The following PDE1A variants were observed in gnomAD, a reference collection of about 807,000 sequenced individuals.
The protein encoded by PDE1A is dual specificity calcium/calmodulin-dependent 3',5'-cyclic nucleotide phosphodiesterase 1A.
PDE1A carries 35 observed loss-of-function variants against 61.7 expected under a neutral mutation model. That is an observed-to-expected ratio of 0.57 (90% CI 0.43 to 0.75). The LOEUF is 0.75. PDE1A is among the 30% of genes least tolerant of loss of function. The pLI is 0.00. For synonymous variants in PDE1A, 232 were observed against 213.2 expected, an observed-to-expected ratio of 1.09 and a Z score of -0.77; for missense variants, 597 against 630.6, an observed-to-expected ratio of 0.95 and a Z score of 0.57.
chr2:182,580,708 G>C, the PDE1A span, among the ~76,000 whole-genome samples: 9 of 152,106 alleles, frequency 5.9e-5, no homozygotes, highest in African/African-American at 1.4e-4. Context: ...AATAACGTAG[G>C]TTTTTAATTT....
chr2:182,534,813 CT>C, the PDE1A span, among the ~76,000 whole-genome samples: 22 of 151,680 alleles, frequency 1.5e-4, no homozygotes, highest in African/African-American at 5.3e-4. Context: ...GAATTCGTCT[CT>C]TTGTTTCTGC....
At chr2:182,468,824 G>A (rs1229677302) in intron 2 of PDE1A, among the ~76,000 whole-genome samples, 1 of 151,996 alleles carries the variant, frequency 6.6e-6, no homozygotes, top group Non-Finnish European at 1.5e-5. Flanking sequence ...GAGCAGGCAT[G>A]AAAACAGCAT....
At chr2:182,623,863 C>T in the PDE1A span, among the ~76,000 whole-genome samples, 3 of 152,230 alleles carry the variant, frequency 2.0e-5, no homozygotes, top group Admixed American at 6.5e-5. Flanking sequence ...CGGTGGCTCA[C>T]GCCTGTAACC....
At chr2:182,201,665 A>G (rs750710583) in intron 9 of PDE1A, 23 bp downstream of exon 9, 1 of 1,486,454 alleles carries the variant, frequency 6.7e-7, no homozygotes, top group African/African-American at 1.5e-5. Flanking sequence ...AAAAAAAAAC[A>G]ACAAAAAAAA....
chr2:182,679,005 CTT>C, the PDE1A span, among the ~76,000 whole-genome samples: 11 of 127,634 alleles, frequency 8.6e-5, no homozygotes, highest in Admixed American at 2.5e-4. Flanking sequence ...TTTGGTTTCT[CTT>C]TTTTTTTTTT....
intron 13 of PDE1A, among the ~76,000 whole-genome samples, chr2:182,147,840 A>G (rs1194512520): frequency 6.6e-6 from 1 of 152,228 alleles, no homozygotes; most frequent in Non-Finnish European, 1.5e-5. Flanking sequence ...GGAAATAGTC[A>G]TATACAATGA....
At chr2:182,544,802 C>T in the PDE1A span, among the ~76,000 whole-genome samples, 1 of 152,112 alleles carries the variant, frequency 6.6e-6, no homozygotes, top group Admixed American at 6.5e-5. Flanking sequence ...TTCCACTTGC[C>T]TTCCCCTTTT....
At chr2:182,378,225 A>G (rs1700529260) in intron 1 of PDE1A, among the ~76,000 whole-genome samples, 1 of 152,216 alleles carries the variant, frequency 6.6e-6, no homozygotes, top group Non-Finnish European at 1.5e-5. Flanking sequence ...GAGCTAAAGA[A>G]GCCCAACACA....
downstream of PDE1A, among the ~76,000 whole-genome samples, chr2:182,144,043 C>T (rs1036595580): frequency 2.6e-5 from 4 of 152,070 alleles, no homozygotes; most frequent in South Asian, 2.1e-4. Context: ...GGACTGTAGT[C>T]AACTAAAGAA....
chr2:182,156,131 A>T (rs1393410348), intron 13 of PDE1A, among the ~76,000 whole-genome samples: 3 of 152,202 alleles, frequency 2.0e-5, no homozygotes, highest in African/African-American at 7.2e-5. Context: ...GTATTTTAGC[A>T]TGAAGTGTTA....
intron 10 of PDE1A, among the ~76,000 whole-genome samples, chr2:182,199,648 T>C (rs1189118060): frequency 6.6e-6 from 1 of 152,134 alleles, no homozygotes. Context: ...GAGTATATCA[T>C]TATAATTTTT....
At chr2:182,458,464 G>T (rs954001652) in intron 2 of PDE1A, among the ~76,000 whole-genome samples, 7 of 152,044 alleles carry the variant, frequency 4.6e-5, no homozygotes, top group Admixed American at 6.6e-5. Flanking sequence ...TAATAGGTCA[G>T]GTACAATAAG....
upstream of PDE1A, among the ~76,000 whole-genome samples, chr2:182,524,896 GTTCC>G (rs1456022751): frequency 6.6e-6 from 1 of 151,762 alleles, no homozygotes; most frequent in Non-Finnish European, 1.5e-5. Flanking sequence ...AGAACAAGTA[GTTCC>G]TTCATTCCTG....
At chr2:182,480,738 TC>T (rs1687650172) in intron 2 of PDE1A, among the ~76,000 whole-genome samples, 1 of 151,716 alleles carries the variant, frequency 6.6e-6, no homozygotes, top group Non-Finnish European at 1.5e-5. Context: ...CTGAAACCAA[TC>T]CCCCACGATA....
intron 2 of PDE1A, among the ~76,000 whole-genome samples, chr2:182,469,344 T>C (rs557515300): frequency 2.7e-4 from 41 of 151,978 alleles, no homozygotes; most frequent in Non-Finnish European, 5.4e-4. Flanking sequence ...TCTTGCACTT[T>C]TATGTTAGGA....
At chr2:182,311,940 T>C (rs374259721) in intron 1 of PDE1A, among the ~76,000 whole-genome samples, 1 of 152,170 alleles carries the variant, frequency 6.6e-6, no homozygotes, top group African/African-American at 2.4e-5. Flanking sequence ...ATGCTTAATA[T>C]GGTCAGAGTA....
intron 13 of PDE1A, among the ~76,000 whole-genome samples, chr2:182,153,465 T>G (rs1476517037): frequency 1.3e-5 from 2 of 152,230 alleles, no homozygotes; most frequent in Non-Finnish European, 2.9e-5. Context: ...GAAGCAATTA[T>G]TTCTCCATCA....
At chr2:182,218,254 C>T (rs1462283543) in intron 7 of PDE1A, among the ~76,000 whole-genome samples, 5 of 129,802 alleles carry the variant, frequency 3.9e-5, no homozygotes, top group African/African-American at 1.2e-4. Context: ...GAACATCACA[C>T]TCTGGGGACT....
At chr2:182,372,509 A>C (rs1700173613) in intron 1 of PDE1A, among the ~76,000 whole-genome samples, 1 of 152,246 alleles carries the variant, frequency 6.6e-6, no homozygotes, top group African/African-American at 2.4e-5. Context: ...AAAGAATTAA[A>C]CAGGTAACAC....
Sources: allele counts gnomAD v4.1 joint callset (sites outside exome capture counted in the v4.1 genomes callset), GRCh38; gene constraint gnomAD v4.1.1; transcripts MANE v1.5; gene names NCBI Gene and HGNC (gene_info 2026-07-23, HGNC 2026-07-21).